Variants in MSRA observed in about 807,000 individuals in gnomAD.
MSRA encodes the protein methionine sulfoxide reductase A.
MSRA carries 54 observed loss-of-function variants against 31.3 expected under a neutral mutation model. That is an observed-to-expected ratio of 1.73 (90% CI 1.39 to 2.17). The LOEUF (loss-of-function observed/expected upper bound fraction) is 2.17. Among genes scored for constraint, MSRA ranks in the 30% most tolerant of loss-of-function variants. The pLI, the probability that MSRA is intolerant of heterozygous loss-of-function variation, is 0.00. For synonymous variants in MSRA, 169 were observed against 116.5 expected (o/e 1.45, Z -2.90); for missense variants, 507 against 300.9 (o/e 1.69, Z -5.07).
At chr8:10,239,105 G>A (rs1241649569) in intron 2 of MSRA, among the ~76,000 whole-genome samples, 1 of 151,914 alleles carries the variant, frequency 6.6e-6, no homozygotes, top group African/African-American at 2.4e-5. Flanking sequence ...GTACGTGAGT[G>A]GCCCATATAC....
At chr8:10,250,486 G>T (rs1245372445) in intron 3 of MSRA, 9 of 702,142 alleles carry the variant, frequency 1.3e-5, no homozygotes, top group Non-Finnish European at 2.3e-5. Flanking sequence ...GCACAGCCAA[G>T]TGGCACTGAA....
intron 1 of MSRA, among the ~76,000 whole-genome samples, chr8:10,200,084 G>A (rs1026042651): frequency 2.0e-5 from 3 of 150,084 alleles, no homozygotes; most frequent in Non-Finnish European, 2.9e-5. Context: ...AGGTATGGGG[G>A]TTGCCTGGGG....
chr8:10,076,828 G>T (rs1798016711), intron 1 of MSRA, among the ~76,000 whole-genome samples: 1 of 152,196 alleles, frequency 6.6e-6, no homozygotes, highest in South Asian at 2.1e-4. Flanking sequence ...GGGCAGGGAT[G>T]AGTGTTGTAG....
chr8:10,290,759 C>G (rs1002291606), intron 3 of MSRA, among the ~76,000 whole-genome samples: 10 of 152,166 alleles, frequency 6.6e-5, no homozygotes, highest in African/African-American at 2.2e-4. Flanking sequence ...TCAGTAGCAT[C>G]AAGGAATCAT....
intron 3 of MSRA, among the ~76,000 whole-genome samples, chr8:10,288,663 G>T (rs1800066576): frequency 6.6e-6 from 1 of 151,882 alleles, no homozygotes; most frequent in Admixed American, 6.6e-5. Context: ...CAAATCTGAA[G>T]TTCTTAGTTC....
At chr8:10,122,370 C>A (rs947808073) in intron 1 of MSRA, among the ~76,000 whole-genome samples, 15 of 152,128 alleles carry the variant, frequency 9.9e-5, no homozygotes, top group African/African-American at 2.7e-4. Flanking sequence ...TGGAAGCTGT[C>A]CCCAAGTCAT....
chr8:10,127,904 C>T (rs181243913), intron 1 of MSRA, among the ~76,000 whole-genome samples: 3 of 151,788 alleles, frequency 2.0e-5, no homozygotes, highest in East Asian at 1.9e-4. Flanking sequence ...ATTGCCTTCA[C>T]GTGGGGTGGT....
At chr8:10,365,900 C>A (rs1805136967) in intron 5 of MSRA, among the ~76,000 whole-genome samples, 1 of 152,212 alleles carries the variant, frequency 6.6e-6, no homozygotes, top group African/African-American at 2.4e-5. Context: ...TTCTGCTCTC[C>A]ATCCCTTCCT....
chr8:10,166,076 C>T (rs1805095135), intron 1 of MSRA, among the ~76,000 whole-genome samples: 1 of 152,102 alleles, frequency 6.6e-6, no homozygotes, highest in Non-Finnish European at 1.5e-5. Context: ...GCGAATGAAA[C>T]CCGGGGCTGG....
chr8:10,310,455 A>T (rs1203621637), intron 4 of MSRA, among the ~76,000 whole-genome samples: 1 of 152,216 alleles, frequency 6.6e-6, no homozygotes, highest in African/African-American at 2.4e-5. Flanking sequence ...TGCACTTTTA[A>T]ATCCTTCTGT....
At chr8:10,202,184 T>C (rs1188421568) in intron 1 of MSRA, among the ~76,000 whole-genome samples, 1 of 152,264 alleles carries the variant, frequency 6.6e-6, no homozygotes, top group Non-Finnish European at 1.5e-5. Flanking sequence ...CATATCTTAC[T>C]GAACCTATAC....
intron 5 of MSRA, among the ~76,000 whole-genome samples, chr8:10,364,207 C>G (rs1461418314): frequency 1.3e-5 from 2 of 152,146 alleles, no homozygotes; most frequent in African/African-American, 4.8e-5. Flanking sequence ...ACTGAATTGT[C>G]CCTGCCCGTA....
At chr8:10,062,193 C>T (rs754143493) in intron 1 of MSRA, among the ~76,000 whole-genome samples, 1 of 152,218 alleles carries the variant, frequency 6.6e-6, no homozygotes, top group Admixed American at 6.5e-5. Flanking sequence ...ATCAATCATC[C>T]GTTCCTCCTT....
At chr8:10,167,937 G>A (rs976278765) in intron 1 of MSRA, among the ~76,000 whole-genome samples, 1 of 152,192 alleles carries the variant, frequency 6.6e-6, no homozygotes, top group African/African-American at 2.4e-5. Flanking sequence ...GCGGAAGAGA[G>A]GCACATGGGT....
intron 4 of MSRA, among the ~76,000 whole-genome samples, chr8:10,306,722 C>T (rs1040483960): frequency 3.9e-5 from 6 of 152,142 alleles, no homozygotes; most frequent in Non-Finnish European, 5.9e-5. Context: ...GCATGAATAA[C>T]ACAATTCAGA....
chr8:10,400,155 A>G (rs1807361378), intron 5 of MSRA, among the ~76,000 whole-genome samples: 1 of 152,084 alleles, frequency 6.6e-6, no homozygotes, highest in East Asian at 1.9e-4. Flanking sequence ...GCAGAGACAA[A>G]GTCAGACTTG....
At chr8:10,121,737 C>A (rs1269737431) in intron 1 of MSRA, among the ~76,000 whole-genome samples, 1 of 151,846 alleles carries the variant, frequency 6.6e-6, no homozygotes, top group African/African-American at 2.4e-5. Context: ...GCGGTATGAT[C>A]ATAGCTTACT....
At chr8:10,121,469 G>C (rs1203611175) in intron 1 of MSRA, among the ~76,000 whole-genome samples, 2 of 152,186 alleles carry the variant, frequency 1.3e-5, no homozygotes, top group South Asian at 4.1e-4. Flanking sequence ...TGCTTAGAGC[G>C]ATCCAGGATG....
At chr8:10,195,765 A>C (rs1201664788) in intron 1 of MSRA, among the ~76,000 whole-genome samples, 1 of 152,266 alleles carries the variant, frequency 6.6e-6, no homozygotes, top group East Asian at 1.9e-4. Flanking sequence ...TAAAAAGAGA[A>C]TCAAGACAAG....
Sources: gnomAD v4.1 joint callset for allele counts (sites outside exome capture counted in the v4.1 genomes callset) on GRCh38, gnomAD v4.1.1 for gene constraint, MANE v1.5 for transcripts, NCBI Gene and HGNC (gene_info 2026-07-23, HGNC 2026-07-21) for gene names.